CLDN10: variants seen among roughly 807,000 people sequenced by gnomAD.
The protein encoded by CLDN10 is claudin 10.
Under a neutral mutation model 22.9 loss-of-function variants are expected in CLDN10, and 15 were observed. That is an observed-to-expected ratio of 0.65 (90% CI 0.44 to 1.01). The LOEUF (loss-of-function observed/expected upper bound fraction) is 1.01. Among genes scored for constraint, CLDN10 ranks in the 50% least tolerant of loss-of-function variants. The pLI is 0.00. For synonymous variants in CLDN10, 114 were observed against 111.4 expected, an observed-to-expected ratio of 1.02 and a Z score of -0.15; for missense variants, 247 against 287.8, an observed-to-expected ratio of 0.86 and a Z score of 1.03.
chr13:95,567,261 T>C (rs2043798964), intron 3 of CLDN10, among the ~76,000 whole-genome samples: 1 of 152,142 alleles, frequency 6.6e-6, no homozygotes, highest in Admixed American at 6.5e-5. Flanking sequence ...GAGCATGGAG[T>C]GTTCTTCCAT....
intron 1 of CLDN10, among the ~76,000 whole-genome samples, chr13:95,494,910 C>T (rs1462203571): frequency 6.6e-6 from 1 of 151,998 alleles, no homozygotes; most frequent in Non-Finnish European, 1.5e-5. Context: ...TCACCTTCTC[C>T]CCTCCACCCC....
intron 3 of CLDN10, among the ~76,000 whole-genome samples, chr13:95,576,197 C>T (rs1383441422): frequency 2.0e-5 from 3 of 152,110 alleles, no homozygotes; most frequent in Non-Finnish European, 4.4e-5. Flanking sequence ...ACTTGGCTCC[C>T]CTGCACCCTG....
intron 1 of CLDN10, among the ~76,000 whole-genome samples, chr13:95,455,860 G>A (rs538074902): frequency 2.0e-5 from 3 of 152,334 alleles, no homozygotes; most frequent in Admixed American, 1.3e-4. Flanking sequence ...TGTTCCGGAT[G>A]TTTTGGATGA....
At chr13:95,501,229 T>G (rs890892595) in intron 1 of CLDN10, among the ~76,000 whole-genome samples, 1 of 152,078 alleles carries the variant, frequency 6.6e-6, no homozygotes, top group African/African-American at 2.4e-5. Flanking sequence ...GATCAGGCTG[T>G]TCTTGAACTC....
intron 1 of CLDN10, among the ~76,000 whole-genome samples, chr13:95,547,685 T>C (rs1008487715): frequency 6.6e-6 from 1 of 152,198 alleles, no homozygotes; most frequent in Non-Finnish European, 1.5e-5. Context: ...TTATCTCACA[T>C]CTTTCTGATT....
chr13:95,488,535 G>A (rs2138510949), intron 1 of CLDN10, among the ~76,000 whole-genome samples: 1 of 151,862 alleles, frequency 6.6e-6, no homozygotes, highest in Non-Finnish European at 1.5e-5. Context: ...TTCCCCCCAA[G>A]TCCCCAAAGT....
intron 1 of CLDN10, among the ~76,000 whole-genome samples, chr13:95,530,852 T>C (rs2043334769): frequency 6.6e-6 from 1 of 152,038 alleles, no homozygotes; most frequent in South Asian, 2.1e-4. Context: ...TAAGTTCATA[T>C]ACTAAGATCC....
chr13:95,461,309 A>G (rs1455228135), intron 1 of CLDN10, among the ~76,000 whole-genome samples: 1 of 152,144 alleles, frequency 6.6e-6, no homozygotes, highest in Non-Finnish European at 1.5e-5. Flanking sequence ...ACACTCTAGT[A>G]CTTCTACTCC....
chr13:95,544,439 CAG>C (rs1008105601), intron 1 of CLDN10, among the ~76,000 whole-genome samples: 5 of 152,098 alleles, frequency 3.3e-5, no homozygotes, highest in Admixed American at 3.3e-4. Context: ...AGATTTATGC[CAG>C]AAATCCTAGA....
intron 1 of CLDN10, among the ~76,000 whole-genome samples, chr13:95,452,287 A>G (rs2042439144): frequency 6.6e-6 from 1 of 152,172 alleles, no homozygotes; most frequent in Admixed American, 6.5e-5. Flanking sequence ...ACCCTTCAAA[A>G]TGTTCCCTTT....
intron 1 of CLDN10, among the ~76,000 whole-genome samples, chr13:95,538,753 C>A (rs1218629949): frequency 6.6e-5 from 10 of 152,194 alleles, no homozygotes; most frequent in Admixed American, 6.5e-4. Flanking sequence ...ATTGCTATAG[C>A]CAACACCGTT....
At position 95,577,257 on chromosome 13, in the gene CLDN10, T is replaced by A. The variant is rs764323936; in HGVS notation, c.491T>A (p.Ile164Asn). 6.2e-7 allele frequency: 1 copy of A among 1,614,128 alleles called. No individual in the cohort carries two copies. The highest frequency in any genetic ancestry group is 8.5e-7 in the Non-Finnish European group (1 of 1,179,970). The change falls in exon 4 of 5, where the codon ATT becomes AAT. Residue 164 changes from isoleucine to asparagine, a missense_variant. Ile to Asn is a moderately radical substitution (Grantham distance 149). Transcript: ENST00000299339. ...TATGAATTAGGAGCCGCTCTGTTTA[T>A]TGGATGGGCAGGAGCCTCACTGTGC... ...QKYELGAALFIGWAGASLCII... is the reference protein window; with the variant it reads ...QKYELGAALFNGWAGASLCII...
At chr13:95,541,491 T>C (rs891325275) in intron 1 of CLDN10, among the ~76,000 whole-genome samples, 12 of 152,208 alleles carry the variant, frequency 7.9e-5, no homozygotes, top group Admixed American at 1.3e-4. Context: ...AGCCTCCCTC[T>C]CTTTCTAGTT....
chr13:95,457,572 T>C (rs2042494926), intron 1 of CLDN10, among the ~76,000 whole-genome samples: 1 of 152,126 alleles, frequency 6.6e-6, no homozygotes, highest in South Asian at 2.1e-4. Flanking sequence ...ATTCTCTAGT[T>C]TCCTACTCGA....
chr13:95,501,561 T>C (rs1011740518), intron 1 of CLDN10, among the ~76,000 whole-genome samples: 6 of 152,360 alleles, frequency 3.9e-5, no homozygotes, highest in Admixed American at 3.3e-4. Flanking sequence ...TGTCTTGATG[T>C]CTTCATTGTC....
intron 3 of CLDN10, among the ~76,000 whole-genome samples, chr13:95,571,529 A>T (rs1012353299): frequency 6.6e-6 from 1 of 152,098 alleles, no homozygotes; most frequent in Non-Finnish European, 1.5e-5. Flanking sequence ...GCAGAGGGGG[A>T]GGCTGAGCGT....
upstream of CLDN10, among the ~76,000 whole-genome samples, chr13:95,548,434 G>A (rs1454609097): frequency 6.6e-6 from 1 of 152,104 alleles, no homozygotes; most frequent in Non-Finnish European, 1.5e-5. Context: ...AACTTCACAG[G>A]TTGCCAAATG....
intron 1 of CLDN10, among the ~76,000 whole-genome samples, chr13:95,523,307 A>C (rs2043241345): frequency 6.6e-6 from 1 of 152,160 alleles, no homozygotes; most frequent in South Asian, 2.1e-4. Context: ...ATCTCAGAAC[A>C]CTTTAATTTC....
chr13:95,573,711 TTTTATTTG>T (rs1011808365), intron 3 of CLDN10, among the ~76,000 whole-genome samples: 10 of 79,200 alleles, frequency 1.3e-4, no homozygotes, highest in South Asian at 5.6e-4. Flanking sequence ...TTATTTTTAT[TTTTATTTG>T]TGTGTGTGTG....
Sources: gnomAD v4.1 joint callset for allele counts (sites outside exome capture counted in the v4.1 genomes callset) on GRCh38, gnomAD v4.1.1 for gene constraint, MANE v1.5 for transcripts, NCBI Gene and HGNC (gene_info 2026-07-23, HGNC 2026-07-21) for gene names.